Variants in NGLY1 observed in about 807,000 individuals in gnomAD.
The protein encoded by NGLY1 is N-glycanase 1, also known as peptide-N(4)-(N-acetyl-beta-glucosaminyl)asparagine amidase.
NGLY1 carries 68 observed loss-of-function variants against 84.6 expected under a neutral mutation model. The observed-to-expected ratio is 0.80, with a 90% CI of 0.66 to 0.98. NGLY1 has a LOEUF of 0.98. NGLY1 is among the 50% of genes least tolerant of loss of function. The pLI, the probability that NGLY1 is intolerant of heterozygous loss-of-function variation, is 0.00. For missense variants in NGLY1, 779 were observed against 770.2 expected (o/e 1.01, Z -0.14); for synonymous variants, 280 against 275.2 (o/e 1.02, Z -0.17).
At position 25,751,198 on chromosome 3, in the gene NGLY1, T is replaced by G; in HGVS notation, c.558A>C (p.Glu186Asp). 6.2e-7 allele frequency: 1 copy of G among 1,613,694 alleles called. No homozygotes were observed. Among genetic ancestry groups the G allele is most frequent in the Non-Finnish European group, 8.5e-7 (1 of 1,179,830 alleles). The change falls in exon 4 of 12, where the codon GAA (glutamate) becomes GAC (aspartate). Residue 186 changes from glutamate (E) to aspartate (D), a missense_variant. Transcript: ENST00000280700. ...ACGCTTTCTCCTGAAGAGCAGGATTTTCATAGACCAGCACATGCTGAATGT... is the reference window on the plus strand; with the variant it reads ...ACGCTTTCTCCTGAAGAGCAGGATTGTCATAGACCAGCACATGCTGAATGT... The part of the protein sequence containing the change: ...QSNIQHVLVY[E>D]NPALQEKALA...
chr3:25,783,606 T>C (rs900993510), upstream of NGLY1: 1 of 82,150 alleles, frequency 1.2e-5, no homozygotes, highest in African/African-American at 6.6e-5. The surrounding 1 kb of genome is among the most constrained non-coding windows in gnomAD (Gnocchi z 4.5). Context: ...AGGGGCGGGG[T>C]CGGGGGCCTG....
intron 3 of NGLY1, among the ~76,000 whole-genome samples, chr3:25,762,224 A>C (rs1044854377): frequency 6.6e-6 from 1 of 152,178 alleles, no homozygotes; most frequent in Non-Finnish European, 1.5e-5. Flanking sequence ...TTTAAAAAAT[A>C]TCTCTCTGGC....
Position 25,783,074 on chromosome 3 carries a change from C to T in NGLY1, c.131+186G>A. ...TTCCTTTTCTCGAGCGGGGGTGGGACTTGGCCGGGTCCCGAGGCCCCTGGC... is the reference window on the plus strand; with the variant it reads ...TTCCTTTTCTCGAGCGGGGGTGGGATTTGGCCGGGTCCCGAGGCCCCTGGC... On this transcript the variant is annotated intron_variant, in intron 1 of 11. Coordinates refer to ENST00000280700, the MANE Select transcript of NGLY1 (RefSeq NM_018297.4). The surrounding 1 kb of genome is among the most constrained non-coding windows in gnomAD (Gnocchi z 4.5). 1.8e-6 allele frequency: 1 copy of T among 561,598 alleles called. No homozygotes were observed. The highest frequency in any genetic ancestry group is 3.2e-6 in the Non-Finnish European group (1 of 317,184). The allele number at this position is 561,598 out of a possible 1,614,324, so 34.8% of individuals were successfully genotyped here. A position where few individuals can be genotyped will look rare whatever the true frequency, so the allele number is the denominator to read the frequency against.
At chr3:25,762,451 A>G (rs1025312168) in intron 3 of NGLY1, among the ~76,000 whole-genome samples, 4 of 152,236 alleles carry the variant, frequency 2.6e-5, no homozygotes, top group Non-Finnish European at 5.9e-5. Flanking sequence ...AACACAGAAG[A>G]TATTTTGTGT....
chr3:25,749,455 T>C, intron 4 of NGLY1: 1 of 1,219,582 alleles, frequency 8.2e-7, no homozygotes, highest in South Asian at 1.2e-5. Flanking sequence ...CAGCACTGCC[T>C]ACAGAGGTGG....
At chr3:25,734,153 C>T in intron 7 of NGLY1, 171 bp from the exon 8 acceptor site, 1 of 761,994 alleles carries the variant, frequency 1.3e-6, no homozygotes, top group Non-Finnish European at 2.0e-6. Flanking sequence ...TGCAGTCTCA[C>T]TTCCCAGGGT....
At chr3:25,728,424 A>G (rs1559530622) in intron 10 of NGLY1, among the ~76,000 whole-genome samples, 1 of 152,140 alleles carries the variant, frequency 6.6e-6, no homozygotes, top group Non-Finnish European at 1.5e-5. Context: ...ATTAATTCCT[A>G]TGAAAATCTA....
rs1706724814 is a variant in NGLY1 at position 25,751,125 on chromosome 3, A to G, written c.631T>C (p.Leu211=). 1 of 1,612,748 alleles carries G rather than the reference A, an allele frequency of 6.2e-7. No individual in the cohort carries two copies. Among genetic ancestry groups the G allele is most frequent in the South Asian group, 1.1e-5 (1 of 90,702 alleles). The change falls in exon 4 of 12, where the codon TTA becomes CTA. Residue 211 remains leucine (L), a synonymous_variant. Coordinates refer to ENST00000280700, the MANE Select transcript of NGLY1 (RefSeq NM_018297.4). The part of the protein sequence containing the change: ...QELKRKSQEK[L]SRARKLDKGI... ...TTATCCAATTTTCTAGCTCTCGATA[A>G]CTTTTCTTGTGATTTCCTTTTTAGT... is the stretch of plus-strand genomic sequence containing the variant.
intron 7 of NGLY1, chr3:25,735,195 C>A (rs1253073089): frequency 2.0e-5 from 3 of 152,054 alleles, no homozygotes; most frequent in African/African-American, 7.2e-5. Flanking sequence ...AAAGCACAAT[C>A]CATAAAACAA....
At chr3:25,770,278 A>G (rs373815144) in intron 2 of NGLY1, among the ~76,000 whole-genome samples, 1 of 152,132 alleles carries the variant, frequency 6.6e-6, no homozygotes, top group African/African-American at 2.4e-5. Flanking sequence ...CCTCCCGAGT[A>G]GCTGGGACTA....
intron 4 of NGLY1, among the ~76,000 whole-genome samples, chr3:25,744,398 A>C (rs561553925): frequency 7.9e-4 from 120 of 152,338 alleles, no homozygotes; most frequent in Non-Finnish European, 1.5e-3. Flanking sequence ...CAGTGCCACA[A>C]GGTCCCCATT....
At chr3:25,740,243 GACATTTAAAAAATCATCCT>G (rs1706062192) in intron 4 of NGLY1, among the ~76,000 whole-genome samples, 1 of 152,114 alleles carries the variant, frequency 6.6e-6, no homozygotes, top group Admixed American at 6.6e-5. Flanking sequence ...CAGAATTCCA[GACATTTAAAAAATCATCCT>G]ATTAGCCTTT....
At chr3:25,721,035 C>G (rs769856958) in intron 10 of NGLY1, among the ~76,000 whole-genome samples, 1 of 152,214 alleles carries the variant, frequency 6.6e-6, no homozygotes, top group Non-Finnish European at 1.5e-5. Context: ...TTACACTTAT[C>G]TTAATGCAAT....
intron 2 of NGLY1, among the ~76,000 whole-genome samples, chr3:25,774,076 G>A (rs1708030073): frequency 6.6e-6 from 1 of 152,162 alleles, no homozygotes; most frequent in African/African-American, 2.4e-5. Flanking sequence ...TTAGTGTGTT[G>A]GTTTTCTCGA....
At chr3:25,736,247 T>C in intron 6 of NGLY1, 98 bp from the exon 7 acceptor site, 1 of 1,554,422 alleles carries the variant, frequency 6.4e-7, no homozygotes, top group Non-Finnish European at 8.7e-7. Flanking sequence ...CATAAAGTAA[T>C]GCATAATATT....
chr3:25,754,145 T>C (rs1306988911), intron 3 of NGLY1, among the ~76,000 whole-genome samples: 1 of 152,220 alleles, frequency 6.6e-6, no homozygotes, highest in African/African-American at 2.4e-5. Flanking sequence ...CAAATACTGA[T>C]AATGTTCATT....
chr3:25,722,914 CCAAA>C (rs1705079590), intron 10 of NGLY1, among the ~76,000 whole-genome samples: 1 of 151,920 alleles, frequency 6.6e-6, no homozygotes, highest in South Asian at 2.1e-4. Flanking sequence ...GAAAGAAGAG[CCAAA>C]CAGAGAGGTT....
Position 25,788,962 on chromosome 3 carries a change from T to C in NGLY1, c.5+899A>G, listed in dbSNP as rs80028607. 3.9e-5 allele frequency among the ~76,000 whole-genome samples: 6 copies of C among 152,330 alleles called. No individual in the cohort carries two copies. In the East Asian group the frequency reaches 1.2e-3, roughly 29 times the overall value. ...GGGTAGGAAAGAATGCAGAGCACTC[T>C]ACTTGGAAACAATGGCTTCAAGAGG... On this transcript the variant is annotated intron_variant, in intron 1 of 11. Transcript: ENST00000417874.
intron 2 of NGLY1, chr3:25,777,978 A>C (rs1708235067): frequency 6.6e-6 from 1 of 152,230 alleles, no homozygotes; most frequent in African/African-American, 2.4e-5. Flanking sequence ...AAGTTCTTTC[A>C]ATGCTCTACA....
Sources: gnomAD v4.1 joint callset for allele counts (sites outside exome capture counted in the v4.1 genomes callset) on GRCh38, gnomAD v4.1.1 for gene constraint, Gnocchi (gnomAD v3.1) non-coding constraint, MANE v1.5 for transcripts, NCBI Gene and HGNC (gene_info 2026-07-23, HGNC 2026-07-21) for gene names.